RFX3: variants seen among roughly 807,000 people sequenced by gnomAD.
RFX3 encodes the protein transcription factor RFX3.
RFX3 carries 14 observed loss-of-function variants against 98.6 expected under a neutral mutation model. The ratio of observed to expected loss-of-function variants is 0.14; its 90% CI spans 0.09 to 0.22. The LOEUF (loss-of-function observed/expected upper bound fraction) is 0.22. Among genes scored for constraint, RFX3 ranks in the 10% least tolerant of loss-of-function variants. RFX3 has a pLI of 1.00. For missense variants in RFX3, 639 were observed against 926.9 expected (o/e 0.69, Z 4.03); for synonymous variants, 383 against 328.4 (o/e 1.17, Z -1.80).
At chr9:3,352,297 T>C (rs1157211394) in intron 2 of RFX3, among the ~76,000 whole-genome samples, 1 of 152,000 alleles carries the variant, frequency 6.6e-6, no homozygotes, top group African/African-American at 2.4e-5. Flanking sequence ...CGTATGTGTA[T>C]ACAAATTCAT....
intron 1 of RFX3, among the ~76,000 whole-genome samples, chr9:3,497,980 G>C (rs1010349756): frequency 6.6e-6 from 1 of 151,946 alleles, no homozygotes; most frequent in African/African-American, 2.4e-5. Context: ...TGACACAAAA[G>C]ATGAACAAAT....
At chr9:3,407,046 A>G (rs1842035049) in intron 1 of RFX3, among the ~76,000 whole-genome samples, 1 of 152,238 alleles carries the variant, frequency 6.6e-6, no homozygotes, top group African/African-American at 2.4e-5. Context: ...TCATCTTAGA[A>G]TAAGTGGCCT....
chr9:3,289,963 C>T (rs1031456162), intron 6 of RFX3, among the ~76,000 whole-genome samples: 6 of 151,612 alleles, frequency 4.0e-5, no homozygotes, highest in African/African-American at 1.5e-4. Flanking sequence ...TTTAATTTGC[C>T]TCATGATTTA....
intron 1 of RFX3, among the ~76,000 whole-genome samples, chr9:3,462,807 G>A (rs1482911608): frequency 6.6e-6 from 1 of 152,008 alleles, no homozygotes; most frequent in African/African-American, 2.4e-5. Context: ...ACAATAGCAT[G>A]TGATGTCACT....
chr9:3,438,275 G>T (rs1351794435), intron 1 of RFX3, among the ~76,000 whole-genome samples: 2 of 152,042 alleles, frequency 1.3e-5, no homozygotes, highest in African/African-American at 2.4e-5. Flanking sequence ...TAGAACTGAC[G>T]AAATGACCTG....
intron 1 of RFX3, among the ~76,000 whole-genome samples, chr9:3,480,525 T>C (rs570289538): frequency 6.6e-6 from 1 of 152,294 alleles, no homozygotes; most frequent in East Asian, 1.9e-4. Flanking sequence ...GCCATCAATG[T>C]AATAGACAAC....
intron 1 of RFX3, among the ~76,000 whole-genome samples, chr9:3,505,193 T>C (rs1449231645): frequency 3.1e-5 from 3 of 96,270 alleles, no homozygotes; most frequent in Non-Finnish European, 5.4e-5. Context: ...TATATATGAA[T>C]ATATATTTAT....
intron 3 of RFX3, among the ~76,000 whole-genome samples, chr9:3,343,615 T>G (rs907234811): frequency 2.0e-5 from 3 of 152,204 alleles, no homozygotes; most frequent in Non-Finnish European, 4.4e-5. Flanking sequence ...AAAAAATACT[T>G]ATGGTCGCTA....
intron 1 of RFX3, among the ~76,000 whole-genome samples, chr9:3,523,215 G>A (rs1380642008): frequency 6.6e-6 from 1 of 152,132 alleles, no homozygotes; most frequent in Non-Finnish European, 1.5e-5. Context: ...CTATTTAATA[G>A]TTTTAGTTTC....
At chr9:3,346,396 T>C (rs942083275) in intron 3 of RFX3, among the ~76,000 whole-genome samples, 1 of 152,168 alleles carries the variant, frequency 6.6e-6, no homozygotes. Context: ...AAGGGGTATA[T>C]ACATTTTTTC....
intron 5 of RFX3, among the ~76,000 whole-genome samples, chr9:3,298,545 C>A (rs1297649221): frequency 6.6e-6 from 1 of 151,764 alleles, no homozygotes; most frequent in Non-Finnish European, 1.5e-5. Flanking sequence ...TAGGGATGCA[C>A]TGGTGAACAA....
intron 1 of RFX3, among the ~76,000 whole-genome samples, chr9:3,519,948 AT>A (rs1037690233): frequency 2.6e-5 from 4 of 151,322 alleles, no homozygotes; most frequent in Admixed American, 6.6e-5. Flanking sequence ...AAAAAAAAAA[AT>A]TGAAATGTTT....
At chr9:3,292,953 G>C (rs1586912370) in intron 6 of RFX3, 124 bp downstream of exon 6, 2 of 691,146 alleles carry the variant, frequency 2.9e-6, no homozygotes, top group East Asian at 2.9e-5. Context: ...GTTATAAACT[G>C]AGCTCATTCT....
intron 1 of RFX3, among the ~76,000 whole-genome samples, chr9:3,401,860 C>A (rs1339313791): frequency 6.6e-6 from 1 of 152,144 alleles, no homozygotes; most frequent in East Asian, 1.9e-4. Flanking sequence ...TGAAAGAAGG[C>A]TAATTAACCC....
intron 4 of RFX3, among the ~76,000 whole-genome samples, chr9:3,325,746 T>A (rs1831839002): frequency 6.6e-6 from 1 of 152,122 alleles, no homozygotes. Flanking sequence ...CCAAAAAAAA[T>A]CACTAACTAC....
At chr9:3,504,176 A>G (rs977064108) in intron 1 of RFX3, among the ~76,000 whole-genome samples, 1 of 97,408 alleles carries the variant, frequency 1.0e-5, no homozygotes, top group Non-Finnish European at 1.7e-5. Context: ...TATATTATAT[A>G]TTATACATAT....
At chr9:3,363,565 A>G (rs1587322063) in intron 2 of RFX3, among the ~76,000 whole-genome samples, 2 of 152,366 alleles carry the variant, frequency 1.3e-5, no homozygotes, top group African/African-American at 4.8e-5. Context: ...TTACTTATAC[A>G]TGATTATTAA....
chr9:3,249,266 C>G (rs1176820566), intron 14 of RFX3, among the ~76,000 whole-genome samples: 1 of 152,086 alleles, frequency 6.6e-6, no homozygotes, highest in Non-Finnish European at 1.5e-5. Flanking sequence ...TAAATAGAGG[C>G]TACTAATACA....
At chr9:3,509,268 C>T (rs1045597095) in intron 1 of RFX3, among the ~76,000 whole-genome samples, 8 of 151,944 alleles carry the variant, frequency 5.3e-5, no homozygotes, top group African/African-American at 1.9e-4. Flanking sequence ...CCACCTATAT[C>T]AGCTGCCAGT....
Sources: allele counts gnomAD v4.1 joint callset (sites outside exome capture counted in the v4.1 genomes callset), GRCh38; gene constraint gnomAD v4.1.1; transcripts MANE v1.5; gene names NCBI Gene and HGNC (gene_info 2026-07-23, HGNC 2026-07-21).